RBMS3: variants seen among roughly 807,000 people sequenced by gnomAD.
The protein encoded by RBMS3 is RNA-binding motif, single-stranded-interacting protein 3.
A neutral mutation model predicts 66.8 loss-of-function variants in RBMS3; 27 were observed. The ratio of observed to expected loss-of-function variants is 0.40; its 90% CI spans 0.30 to 0.56. The LOEUF (loss-of-function observed/expected upper bound fraction) is 0.56. Ranked by LOEUF, RBMS3 falls within the 20% of genes least tolerant of loss-of-function variation. The probability of loss-of-function intolerance (pLI) is 0.40; values close to 1 mark genes in which losing one functional copy is unlikely to be tolerated. For synonymous variants in RBMS3, 188 were observed against 183.0 expected (o/e 1.03, Z -0.22); for missense variants, 513 against 549.5 (o/e 0.93, Z 0.66).
intron 3 of RBMS3, among the ~76,000 whole-genome samples, chr3:29,576,993 C>T (rs1301797606): frequency 6.6e-6 from 1 of 152,170 alleles, no homozygotes; most frequent in Non-Finnish European, 1.5e-5. Flanking sequence ...TGAACTGGTA[C>T]CTAAGACACA....
At chr3:29,342,083 A>C (rs2036312166) in intron 1 of RBMS3, among the ~76,000 whole-genome samples, 1 of 152,180 alleles carries the variant, frequency 6.6e-6, no homozygotes, top group Non-Finnish European at 1.5e-5. Flanking sequence ...AAGTAAGAAT[A>C]CGATTCTTGA....
chr3:29,359,766 T>C (rs1224004128), intron 1 of RBMS3, among the ~76,000 whole-genome samples: 2 of 152,162 alleles, frequency 1.3e-5, no homozygotes, highest in Admixed American at 1.3e-4. Context: ...CTTCCTGGTT[T>C]AGTCTTGGGA....
intron 10 of RBMS3, among the ~76,000 whole-genome samples, chr3:29,912,869 G>A (rs1003311221): frequency 5.9e-5 from 9 of 151,994 alleles, no homozygotes; most frequent in Admixed American, 5.3e-4. Flanking sequence ...CCTAGGTACA[G>A]GCTATTTTAC....
At chr3:29,328,560 C>T (rs1029611439) in intron 1 of RBMS3, among the ~76,000 whole-genome samples, 3 of 152,086 alleles carry the variant, frequency 2.0e-5, no homozygotes, top group Admixed American at 2.0e-4. Context: ...GTCCTCTTTT[C>T]CCTCAACCTC....
At chr3:29,337,953 T>G (rs1408174888) in intron 1 of RBMS3, among the ~76,000 whole-genome samples, 2 of 152,298 alleles carry the variant, frequency 1.3e-5, no homozygotes, top group Admixed American at 1.3e-4. Context: ...GTTGACTACC[T>G]TATAACCTTG....
chr3:29,627,139 T>C (rs189197485), intron 4 of RBMS3, among the ~76,000 whole-genome samples: 149 of 152,234 alleles, frequency 9.8e-4, no homozygotes, highest in Non-Finnish European at 1.8e-3. Context: ...TCAGGAACTA[T>C]CCAAATGTTA....
chr3:29,902,711 T>G (rs1249044708), intron 10 of RBMS3, among the ~76,000 whole-genome samples: 1 of 151,918 alleles, frequency 6.6e-6, no homozygotes, highest in Admixed American at 6.6e-5. Flanking sequence ...CCTCACTTTA[T>G]GATAATTTCA....
chr3:29,297,783 G>A, intron 1 of RBMS3, among the ~76,000 whole-genome samples: 1 of 151,808 alleles, frequency 6.6e-6, no homozygotes, highest in Non-Finnish European at 1.5e-5. Flanking sequence ...GGGGAGAAAA[G>A]GTGTCATTTT....
chr3:29,671,264 C>T lies in RBMS3; in HGVS notation c.400-68456C>T, dbSNP rs890133837. On this transcript the variant is annotated intron_variant, in intron 4 of 14. Coordinates refer to ENST00000383767, the MANE Select transcript of RBMS3 (RefSeq NM_001003793.3). ...AACAAAAAGGACATCTACACCAAAA[C>T]CCCACCTGTGGGTCACCATCATCAA... is the stretch of plus-strand genomic sequence containing the variant. Among the ~76,000 whole-genome samples the T allele has an allele frequency of 2.0e-5, 3 of 152,304 alleles. No individual in the cohort carries two copies. In the East Asian group the frequency reaches 5.8e-4, roughly 29 times the overall value.
intron 6 of RBMS3, among the ~76,000 whole-genome samples, chr3:29,826,062 G>A (rs977841957): frequency 6.6e-6 from 1 of 151,940 alleles, no homozygotes; most frequent in Non-Finnish European, 1.5e-5. Context: ...TTCCATTTTG[G>A]TATGAGTCGA....
At chr3:29,549,281 A>G (rs1291298997) in intron 3 of RBMS3, among the ~76,000 whole-genome samples, 4 of 151,990 alleles carry the variant, frequency 2.6e-5, no homozygotes, top group Admixed American at 6.6e-5. Flanking sequence ...GATGAATAAT[A>G]TATCTGTGCT....
At chr3:29,359,628 C>A (rs2037440294) in intron 1 of RBMS3, among the ~76,000 whole-genome samples, 2 of 152,186 alleles carry the variant, frequency 1.3e-5, no homozygotes, top group South Asian at 4.1e-4. Flanking sequence ...ATGGTTCCAG[C>A]TCCTTCTTGT....
intron 6 of RBMS3, among the ~76,000 whole-genome samples, chr3:29,832,860 G>T (rs2058410129): frequency 6.6e-6 from 1 of 152,110 alleles, no homozygotes; most frequent in African/African-American, 2.4e-5. Context: ...AGTGTGCCAT[G>T]CACCTCAAGC....
At chr3:29,798,338 G>A (rs1159207829) in intron 6 of RBMS3, among the ~76,000 whole-genome samples, 5 of 97,102 alleles carry the variant, frequency 5.1e-5, no homozygotes, top group African/African-American at 2.1e-4. Flanking sequence ...GGGGAGGGGA[G>A]GGGAGGGGAG....
At chr3:29,783,692 A>AT (rs1559667082) in intron 6 of RBMS3, among the ~76,000 whole-genome samples, 1 of 152,192 alleles carries the variant, frequency 6.6e-6, no homozygotes, top group Non-Finnish European at 1.5e-5. Flanking sequence ...AGTACCTCAC[A>AT]TCCCAATACT....
intron 12 of RBMS3, among the ~76,000 whole-genome samples, chr3:29,952,587 T>A (rs1044864114): frequency 6.6e-6 from 1 of 151,848 alleles, no homozygotes; most frequent in Non-Finnish European, 1.5e-5. Flanking sequence ...ACATTTTTTT[T>A]ACTTTTCTGC....
chr3:29,460,017 CTTG>C (rs1419954079), intron 2 of RBMS3, among the ~76,000 whole-genome samples: 4 of 152,176 alleles, frequency 2.6e-5, no homozygotes, highest in Admixed American at 2.0e-4. Context: ...TTGATCAACT[CTTG>C]TTGTTTATGA....
chr3:29,535,892 G>C (rs2045539303), intron 3 of RBMS3, among the ~76,000 whole-genome samples: 1 of 151,340 alleles, frequency 6.6e-6, no homozygotes, highest in Non-Finnish European at 1.5e-5. Flanking sequence ...ATTTATTTAT[G>C]GTCTATTCAG....
intron 1 of RBMS3, among the ~76,000 whole-genome samples, chr3:29,367,565 G>T (rs1310828599): frequency 6.6e-6 from 1 of 152,050 alleles, no homozygotes; most frequent in Non-Finnish European, 1.5e-5. Context: ...ATAATAAATA[G>T]TATGTTGTTT....
Sources: allele counts gnomAD v4.1 joint callset (sites outside exome capture counted in the v4.1 genomes callset), GRCh38; gene constraint gnomAD v4.1.1; transcripts MANE v1.5; gene names NCBI Gene and HGNC (gene_info 2026-07-23, HGNC 2026-07-21).